Variants in SLC35A2 observed in about 807,000 individuals in gnomAD.
SLC35A2 encodes the protein solute carrier family 35 member A2.
In SLC35A2, 1 loss-of-function variant was observed where a neutral mutation model predicts 17.3. That is an observed-to-expected ratio of 0.06 (90% CI 0.02 to 0.27). SLC35A2 has a LOEUF of 0.27. Among genes scored for constraint, SLC35A2 ranks in the 10% least tolerant of loss-of-function variants. SLC35A2 has a pLI of 1.00. For synonymous variants in SLC35A2, 161 were observed against 161.3 expected (o/e 1.00, Z 0.01); for missense variants, 191 against 339.3 (o/e 0.56, Z 3.43).
chrX:48,904,157 G>A lies in SLC35A2; in HGVS notation c.1163+589C>T, dbSNP rs141376120. The A allele has an allele frequency of 2.9e-4, 228 of 776,888 alleles. 2 individuals carry two copies. The East Asian group carries it at 0.024, about 81-fold the overall frequency. 64.0% of individuals were successfully genotyped at this position (776,888 alleles called of 1,213,427 possible). A position where few individuals can be genotyped will look rare whatever the true frequency, so the allele number is the denominator to read the frequency against. ...TAGCTCTTGTCCCTTTCTCCCTGGG[G>A]ACTCACAAGAAGCCCATCTTCAAGG... On this transcript the variant is annotated intron_variant, in intron 4 of 4. Transcript: ENST00000247138.
intron 2 of SLC35A2, among the ~76,000 whole-genome samples, chrX:48,907,918 A>C (rs1265317847): frequency 1.8e-5 from 2 of 109,154 alleles, no homozygotes; most frequent in African/African-American, 6.7e-5. Context: ...GCTACTCAGG[A>C]GGCTGAGGCA....
chrX:48,905,550 C>A, intron 3 of SLC35A2, 68 bp from the exon 4 acceptor site: 1 of 1,006,867 alleles, frequency 9.9e-7, no homozygotes, highest in Admixed American at 3.8e-5. Context: ...TGGGGGGCAG[C>A]ACCCACTGTG....
chrX:48,911,899 C>T (rs1469282072), upstream of SLC35A2: 2 of 1,167,504 alleles, frequency 1.7e-6, no homozygotes, highest in Non-Finnish European at 1.1e-6. Context: ...TGTCACTAGA[C>T]CCGCCTTATC....
In SLC35A2 at chrX:48,905,495, C is replaced by T. The variant is rs782024674; in HGVS notation, c.427-13G>A. On this transcript the variant is annotated splice_polypyrimidine_tract_variant and intron_variant, in intron 3 of 4. Coordinates refer to ENST00000247138, the MANE Select transcript of SLC35A2 (RefSeq NM_005660.3). The stretch of plus-strand genomic sequence containing the variant: ...GCTGGTATGTCACCTGCGAGTGGCA[C>T]GTGGAAGGCACTGAGGGCTGACCCT... 4 of 1,136,461 alleles carry T rather than the reference C, an allele frequency of 3.5e-6. No individual in the cohort carries two copies. The highest frequency in any genetic ancestry group is 4.3e-5 in the South Asian group (2 of 46,845). The allele number at this position is 1,136,461 out of a possible 1,213,427, so 93.7% of individuals were successfully genotyped here. A position where few individuals can be genotyped will look rare whatever the true frequency, so the allele number is the denominator to read the frequency against.
At position 48,903,191 on chromosome X, in the gene SLC35A2, C is replaced by CACA; in HGVS notation, c.*244_*246dup. ...CTGCCCAACCCAAGTCGGCAAGATA[C>CACA]ACAACACATTTTATTTGCAAAAACT... On this transcript the variant is annotated 3_prime_UTR_variant, in exon 5 of 5. Transcript: ENST00000247138. 8.8e-7 allele frequency: 1 copy of CACA among 1,130,681 alleles called. No individual in the cohort carries two copies. The highest frequency in any genetic ancestry group is 1.8e-5 in the African/African-American group (1 of 55,663). The allele number at this position is 1,130,681 out of a possible 1,213,427, so 93.2% of individuals were successfully genotyped here. A position where few individuals can be genotyped will look rare whatever the true frequency, so the allele number is the denominator to read the frequency against.
chrX:48,908,952 C>G (rs2063511781), intron 2 of SLC35A2, among the ~76,000 whole-genome samples: 1 of 112,638 alleles, frequency 8.9e-6, no homozygotes, highest in South Asian at 3.6e-4. Flanking sequence ...ATAAACCCAA[C>G]TTCCAATTTA....
intron 4 of SLC35A2, chrX:48,903,729 C>T: frequency 1.0e-6 from 1 of 987,981 alleles, no homozygotes; most frequent in African/African-American, 2.0e-5. Context: ...GATCCAATGG[C>T]TCTATTTACA....
chrX:48,905,617 A>G (rs974870961), intron 3 of SLC35A2, 135 bp from the exon 4 acceptor site: 1 of 544,226 alleles, frequency 1.8e-6, no homozygotes, highest in Non-Finnish European at 2.8e-6. Flanking sequence ...AAACAGCAAA[A>G]GGAGCCAGCC....
At chrX:48,911,321 C>CA in intron 1 of SLC35A2, 1 of 486,531 alleles carries the variant, frequency 2.1e-6, no homozygotes, top group South Asian at 3.0e-5. Context: ...AAGAATTACC[C>CA]ACCACACTCA....
At position 48,909,827 on chromosome X, in the gene SLC35A2, G is replaced by A. The variant is rs1557043617; in HGVS notation, c.261C>T (p.Phe87=). Residue 87 remains phenylalanine, a synonymous_variant, in exon 2 of 5, where the codon TTC becomes TTT. Transcript: ENST00000247138. ...CCTGGTTCGTACCCCTCTTCTGTGC[G>A]AAGAGCAGCAGCAGGCAGGTGAGAC... The part of the protein sequence containing the change: ...LKGLTCLLLL[F]AQKRGNVKHL... The A allele has an allele frequency of 8.3e-6, 10 of 1,208,823 alleles. No individual in the cohort carries two copies. Among genetic ancestry groups the A allele is most frequent in the Admixed American group, 2.2e-5 (1 of 45,799 alleles).
At position 48,904,521 on chromosome X, in the gene SLC35A2, G is replaced by A. The variant is rs943374733; in HGVS notation, c.1163+225C>T. The stretch of plus-strand genomic sequence containing the variant: ...GGCAGCTCTAAAACCCCCTCCAGGG[G>A]AAGGGGGTCACCCTACCAGGAAGGG... On this transcript the variant is annotated intron_variant, in intron 4 of 4. Coordinates refer to ENST00000247138, the MANE Select transcript of SLC35A2 (RefSeq NM_005660.3). 1.2e-5 allele frequency: 14 copies of A among 1,142,597 alleles called. No individual in the cohort carries two copies. The East Asian group carries it at 4.2e-4, about 35-fold the overall frequency. The allele number at this position is 1,142,597 out of a possible 1,213,427, so 94.2% of individuals were successfully genotyped here. A position where few individuals can be genotyped will look rare whatever the true frequency, so the allele number is the denominator to read the frequency against.
intron 3 of SLC35A2, chrX:48,905,970 TG>T (rs1488075037): frequency 9.1e-6 from 3 of 327,887 alleles, no homozygotes; most frequent in African/African-American, 7.9e-5. Context: ...TGAGCACCAC[TG>T]TAAGCCCCAA....
At position 48,911,406 on chromosome X, in the gene SLC35A2, C is replaced by T. The variant is rs1373542612; in HGVS notation, c.91+140G>A. The T allele has an allele frequency of 3.8e-6, 3 of 792,318 alleles. No individual in the cohort carries two copies. The African/African-American group carries it at 6.1e-5, about 16-fold the overall frequency. 65.3% of individuals were successfully genotyped at this position (792,318 alleles called of 1,213,427 possible). ...AATGTTCTCTTCCCCGCCCCCAACACACTGACAATGTGCACACACACACAC... is the reference window on the plus strand; with the variant it reads ...AATGTTCTCTTCCCCGCCCCCAACATACTGACAATGTGCACACACACACAC... On this transcript the variant is annotated intron_variant, in intron 1 of 4. Transcript: ENST00000247138.
chrX:48,911,677 C>T (rs1356233634), upstream of SLC35A2: 1 of 1,155,037 alleles, frequency 8.7e-7, no homozygotes, highest in East Asian at 3.3e-5. Context: ...AACAGAAAAA[C>T]CACTTCCGCG....
At chrX:48,911,504 G>T in intron 1 of SLC35A2, 42 bp downstream of exon 1, 1 of 1,155,643 alleles carries the variant, frequency 8.7e-7, no homozygotes, top group Non-Finnish European at 1.1e-6. Context: ...CAGCGATCCC[G>T]ACCTCCGCCT....
At chrX:48,910,061 C>T in intron 1 of SLC35A2, 65 bp from the exon 2 acceptor site, 2 of 1,000,158 alleles carry the variant, frequency 2.0e-6, no homozygotes, top group Non-Finnish European at 2.8e-6. Context: ...ATAGCCACAC[C>T]ACCACCCACC....
intron 1 of SLC35A2, among the ~76,000 whole-genome samples, chrX:48,910,981 C>T (rs1557043937): frequency 9.0e-6 from 1 of 110,710 alleles, no homozygotes; most frequent in Non-Finnish European, 1.9e-5. Context: ...ACTCTCAGAA[C>T]GTTCTTTCTC....
At chrX:48,906,340 C>T in intron 3 of SLC35A2, 52 bp downstream of exon 3, 4 of 1,143,502 alleles carry the variant, frequency 3.5e-6, no homozygotes, top group Non-Finnish European at 4.8e-6. Context: ...TCCCATACTC[C>T]AGTCCCCAAC....
chrX:48,910,059 AC>A, intron 1 of SLC35A2, 63 bp from the exon 2 acceptor site: 1 of 994,846 alleles, frequency 1.0e-6, no homozygotes, highest in Non-Finnish European at 1.4e-6. Flanking sequence ...GCATAGCCAC[AC>A]CACCACCCAC....
Sources: gnomAD v4.1 joint callset for allele counts (sites outside exome capture counted in the v4.1 genomes callset) on GRCh38, gnomAD v4.1.1 for gene constraint, MANE v1.5 for transcripts, NCBI Gene and HGNC (gene_info 2026-07-23, HGNC 2026-07-21) for gene names.